The following NPC2 variants were observed in gnomAD, a reference collection of about 807,000 sequenced individuals.
NPC2 encodes the protein Niemann-Pick disease type C2 protein.
NPC2 carries 14 observed loss-of-function variants against 17.0 expected under a neutral mutation model. The ratio of observed to expected loss-of-function variants is 0.82; its 90% CI spans 0.54 to 1.29. The LOEUF is 1.29. Among genes scored for constraint, NPC2 ranks in the 50% most tolerant of loss-of-function variants. The pLI is 0.00. For synonymous variants in NPC2, 75 were observed against 69.3 expected, an observed-to-expected ratio of 1.08 and a Z score of -0.41; for missense variants, 167 against 183.4, an observed-to-expected ratio of 0.91 and a Z score of 0.52.
intron 3 of NPC2, among the ~76,000 whole-genome samples, chr14:74,481,309 G>A (rs1180273236): frequency 2.0e-5 from 3 of 152,202 alleles, no homozygotes; most frequent in South Asian, 2.1e-4. Flanking sequence ...CATGTGACAC[G>A]CTGGCTCCCC....
In NPC2 at chr14:74,483,305, T is replaced by A. The variant is rs2086674742; in HGVS notation, c.363+1110A>T. The A allele has an allele frequency of 3.1e-5, 39 of 1,243,122 alleles. No homozygotes were observed. In the South Asian group the frequency reaches 4.7e-4, roughly 15 times the overall value. 77.0% of individuals were successfully genotyped at this position (1,243,122 alleles called of 1,614,324 possible). A position where few individuals can be genotyped will look rare whatever the true frequency, so the allele number is the denominator to read the frequency against. On this transcript the variant is annotated intron_variant, in intron 3 of 4. Transcript: ENST00000555619. ...TCCAATGATTTTGGTTGGCAATAAA[T>A]GTGACCTGGAAGATGAGTGAGTAGT...
intron 1 of NPC2, among the ~76,000 whole-genome samples, chr14:74,490,716 T>G (rs1414214887): frequency 6.6e-6 from 1 of 152,252 alleles, no homozygotes; most frequent in Non-Finnish European, 1.5e-5. Context: ...CTTGGTCCAC[T>G]TTCTCACTTG....
intron 3 of NPC2, chr14:74,483,433 C>A: frequency 3.3e-6 from 5 of 1,524,712 alleles, no homozygotes; most frequent in Non-Finnish European, 3.6e-6. Flanking sequence ...TATTTTATGA[C>A]CTGGTCAGAC....
At chr14:74,485,923 A>C (rs2086707876) in intron 2 of NPC2, among the ~76,000 whole-genome samples, 1 of 152,250 alleles carries the variant, frequency 6.6e-6, no homozygotes, top group South Asian at 2.1e-4. Context: ...ATGTAGACTT[A>C]ATAGCTGAAA....
intron 4 of NPC2, 62 bp from the exon 5 acceptor site, chr14:74,480,350 C>T: frequency 7.0e-7 from 1 of 1,424,844 alleles, no homozygotes; most frequent in Non-Finnish European, 9.9e-7. Context: ...ACTGTCAGGG[C>T]AATAACCCTA....
At chr14:74,487,487 A>G (rs2086726745) in intron 1 of NPC2, among the ~76,000 whole-genome samples, 1 of 151,894 alleles carries the variant, frequency 6.6e-6, no homozygotes, top group Non-Finnish European at 1.5e-5. Context: ...GGCTGGTCTC[A>G]AACTCCTAGG....
In NPC2 at chr14:74,484,554, T is replaced by C. The variant is rs369221608; in HGVS notation, c.224A>G (p.His75Arg). ...IQSKSSKAVV[H>R]GILMGVPVPF... ...AACTGGGACGCCCATCAGGATGCCA[T>C]GCACCACGGCCTTGCTGCTTTTAGA... Residue 75 changes from histidine to arginine, a missense_variant, in exon 3 of 5, where the codon CAT becomes CGT. Transcript: ENST00000555619. The C allele has an allele frequency of 3.7e-6, 6 of 1,614,010 alleles. No individual in the cohort carries two copies. In the South Asian group the frequency reaches 4.4e-5, roughly 12 times the overall value.
In NPC2 at chr14:74,480,701, C is replaced by T. The variant is rs140130028; in HGVS notation, c.441+1G>A. 6.3e-3 allele frequency: 10,185 copies of T among 1,612,688 alleles called. 46 individuals are homozygous for T. The highest frequency in any genetic ancestry group is 7.9e-3 in the Non-Finnish European group (9,334 of 1,178,702). ...GCCCTCTCACCCCCAGATAGACTTA[C>T]GATCTGTACTGGGATTTCCCAGCAG... On this transcript the variant is annotated splice_donor_variant, in intron 4 of 4. Coordinates refer to ENST00000555619, the MANE Select transcript of NPC2 (RefSeq NM_006432.5). LOFTEE classifies it high-confidence loss of function.
intron 1 of NPC2, among the ~76,000 whole-genome samples, chr14:74,487,874 A>C (rs918732204): frequency 2.0e-5 from 3 of 152,214 alleles, no homozygotes; most frequent in Non-Finnish European, 4.4e-5. Flanking sequence ...TCTCACAACA[A>C]TGGTATTTAT....
chr14:74,493,047 C>A lies in NPC2; in HGVS notation c.82+146G>T. 9.8e-7 allele frequency: 1 copy of A among 1,023,390 alleles called. No individual in the cohort carries two copies. 63.4% of individuals were successfully genotyped at this position (1,023,390 alleles called of 1,614,324 possible). On this transcript the variant is annotated intron_variant, in intron 1 of 4. Transcript: ENST00000555619. This position sits in a 1 kb window ranked among gnomAD's most constrained non-coding sequence, Gnocchi z 4.1. ...TGGAGGCCGGCGCCTTCTCCCCCGA[C>A]CCAGCCCATTCCAGTTAGGTAGGGT...
At chr14:74,481,415 T>C (rs1332438444) in intron 3 of NPC2, among the ~76,000 whole-genome samples, 1 of 152,210 alleles carries the variant, frequency 6.6e-6, no homozygotes, top group African/African-American at 2.4e-5. Context: ...CGTGAGCTGA[T>C]CAAACCTCTT....
intron 1 of NPC2, among the ~76,000 whole-genome samples, chr14:74,487,322 C>T (rs1402280208): frequency 1.4e-5 from 2 of 145,566 alleles, no homozygotes; most frequent in Non-Finnish European, 3.0e-5. Flanking sequence ...AGGCTAGATG[C>T]AATGGCACAA....
rs1362951124 is a variant in NPC2 at position 74,493,248 on chromosome 14, C to G, written c.27G>C (p.Leu9=). 1 of 1,613,336 alleles carries G rather than the reference C, an allele frequency of 6.2e-7. No homozygotes were observed. The highest frequency in any genetic ancestry group is 1.7e-5 in the Admixed American group (1 of 59,984). MRFLAATF[L]LLALSTAAQA... Reference sequence around the variant, plus strand: ...GGGCAGCGGTGCTGAGCGCCAGGAGCAGGAATGTAGCTGCCAGGAAACGCA... The same window carrying G: ...GGGCAGCGGTGCTGAGCGCCAGGAGGAGGAATGTAGCTGCCAGGAAACGCA... Residue 9 remains leucine, a synonymous_variant, in exon 1 of 5, where the codon CTG becomes CTC. Coordinates refer to ENST00000555619, the MANE Select transcript of NPC2 (RefSeq NM_006432.5). The surrounding 1 kb of genome is among the most constrained non-coding windows in gnomAD (Gnocchi z 4.1).
chr14:74,484,629 T>C (rs1277558126), intron 2 of NPC2, 42 bp from the exon 3 acceptor site: 3 of 1,608,592 alleles, frequency 1.9e-6, no homozygotes, highest in South Asian at 2.2e-5. Context: ...GAAAATAACC[T>C]ATTTTCAAAC....
At chr14:74,480,657 CT>C (rs1399951686) in intron 4 of NPC2, 44 bp downstream of exon 4, 1 of 1,475,484 alleles carries the variant, frequency 6.8e-7, no homozygotes, top group African/African-American at 1.4e-5. Context: ...TTCTCCTCCA[CT>C]TTCTTCCCTC....
intron 1 of NPC2, among the ~76,000 whole-genome samples, chr14:74,492,859 A>G (rs1319071963): frequency 2.6e-5 from 4 of 152,122 alleles, no homozygotes; most frequent in Non-Finnish European, 2.9e-5. Flanking sequence ...AATAAAAAGA[A>G]GTTCTGTGCT....
intron 1 of NPC2, among the ~76,000 whole-genome samples, chr14:74,490,320 C>T (rs2086757745): frequency 6.6e-6 from 1 of 152,234 alleles, no homozygotes; most frequent in South Asian, 2.1e-4. Flanking sequence ...CCAGCTAGGT[C>T]AGTAAATAGT....
intron 1 of NPC2, among the ~76,000 whole-genome samples, chr14:74,488,998 C>A (rs958321021): frequency 3.9e-5 from 6 of 152,246 alleles, no homozygotes; most frequent in African/African-American, 1.4e-4. Context: ...TATTTTGGCT[C>A]CAAAAACAAC....
intron 1 of NPC2, among the ~76,000 whole-genome samples, chr14:74,488,123 C>T (rs1703329976): frequency 6.6e-6 from 1 of 152,228 alleles, no homozygotes; most frequent in Non-Finnish European, 1.5e-5. Flanking sequence ...CTGTCTCAAA[C>T]TCAACTTTTC....
Sources: allele counts gnomAD v4.1 joint callset (sites outside exome capture counted in the v4.1 genomes callset), GRCh38; gene constraint gnomAD v4.1.1; non-coding constraint Gnocchi (gnomAD v3.1); transcripts MANE v1.5; gene names NCBI Gene and HGNC (gene_info 2026-07-23, HGNC 2026-07-21).